Variants in PRKN observed in about 807,000 individuals in gnomAD.
PRKN encodes E3 ubiquitin-protein ligase parkin.
Under a neutral mutation model 59.5 loss-of-function variants are expected in PRKN, and 56 were observed. The observed-to-expected ratio is 0.94, with a 90% confidence interval of 0.76 to 1.18. The LOEUF (loss-of-function observed/expected upper bound fraction) is 1.18, where lower values mean the gene tolerates loss of function less well. Ranked by LOEUF, PRKN falls within the 50% of genes most tolerant of loss-of-function variation. PRKN has a pLI of 0.00. For missense variants in PRKN, 657 were observed against 596.4 expected, an observed-to-expected ratio of 1.10 and a Z score of -1.06; for synonymous variants, 250 against 222.1, an observed-to-expected ratio of 1.13 and a Z score of -1.12.
chr6:162,564,382 C>T (rs1318976865), intron 1 of PRKN, among the ~76,000 whole-genome samples: 4 of 151,724 alleles, frequency 2.6e-5, no homozygotes, highest in African/African-American at 9.7e-5. Context: ...CAGTAATTGG[C>T]CTATTGGCCT....
chr6:162,615,041 T>C (rs921953067), intron 1 of PRKN, among the ~76,000 whole-genome samples: 3 of 152,144 alleles, frequency 2.0e-5, no homozygotes, highest in African/African-American at 7.2e-5. Flanking sequence ...TGGAAGAAGA[T>C]CATTATGTCT....
At chr6:162,510,046 G>C (rs1314249115) in intron 1 of PRKN, among the ~76,000 whole-genome samples, 1 of 152,170 alleles carries the variant, frequency 6.6e-6, no homozygotes, top group African/African-American at 2.4e-5. Context: ...CAGTGATTTA[G>C]GTCAGCCCAG....
intron 1 of PRKN, among the ~76,000 whole-genome samples, chr6:162,626,927 A>C (rs1367914959): frequency 1.3e-5 from 2 of 152,222 alleles, no homozygotes; most frequent in African/African-American, 4.8e-5. Flanking sequence ...AAAACTTGAA[A>C]GTAACTGACC....
rs893531098 is a variant in PRKN at position 162,444,318 on chromosome 6, G to A, written c.8-845C>T. Among the ~76,000 whole-genome samples the A allele has an allele frequency of 3.6e-4, 54 of 151,942 alleles. 1 individual carries two copies. The highest frequency in any genetic ancestry group is 1.3e-3 in the African/African-American group (52 of 41,366). On this transcript the variant is annotated intron_variant, in intron 1 of 11. Transcript: ENST00000366898. ...CCTCCAAAAGGCCCTACATAGTTCT[G>A]CAAAATGAGCCTTATTAATACAGAG...
chr6:161,720,937 G>C (rs538191211), intron 7 of PRKN, among the ~76,000 whole-genome samples: 1 of 152,224 alleles, frequency 6.6e-6, no homozygotes, highest in African/African-American at 2.4e-5. Context: ...ATTACTTCCC[G>C]TTCATAATGC....
chr6:162,044,663 G>A (rs1413080015), intron 5 of PRKN, among the ~76,000 whole-genome samples: 2 of 152,186 alleles, frequency 1.3e-5, no homozygotes, highest in Non-Finnish European at 2.9e-5. Flanking sequence ...CAAGTGGCCA[G>A]TAGGATTACG....
At chr6:162,450,242 T>C (rs1230626494) in intron 1 of PRKN, among the ~76,000 whole-genome samples, 2 of 151,246 alleles carry the variant, frequency 1.3e-5, no homozygotes, top group African/African-American at 2.5e-5. Flanking sequence ...TGACAGTAAA[T>C]CCCCTGTGAA....
At chr6:161,955,111 A>C (rs1780124315) in intron 6 of PRKN, among the ~76,000 whole-genome samples, 1 of 152,206 alleles carries the variant, frequency 6.6e-6, no homozygotes, top group Admixed American at 6.5e-5. Context: ...TTCCTGGGTC[A>C]GCCCCACCTC....
At chr6:161,783,125 A>G (rs1247892878) in intron 7 of PRKN, among the ~76,000 whole-genome samples, 1 of 152,170 alleles carries the variant, frequency 6.6e-6, no homozygotes, top group African/African-American at 2.4e-5. Context: ...AAGTAAGGCA[A>G]ATGAGTAATT....
intron 2 of PRKN, among the ~76,000 whole-genome samples, chr6:162,324,074 T>C (rs1411216848): frequency 6.6e-6 from 1 of 151,608 alleles, no homozygotes; most frequent in African/African-American, 2.4e-5. Flanking sequence ...GTGTGTAGAT[T>C]TACCACAGTG....
Position 161,733,479 on chromosome 6 carries a change from C to CAGAA in PRKN, c.871+52289_871+52292dup, listed in dbSNP as rs369401748. On this transcript the variant is annotated intron_variant, in intron 7 of 11. Transcript: ENST00000366898. ...CATTCGCATTTCTTGGGATAACAGC[C>CAGAA]AGAATACTACAGGTAGTAAACTTTG... is the stretch of plus-strand genomic sequence containing the variant. Among the ~76,000 whole-genome samples, 448 of 152,188 alleles carry CAGAA rather than the reference C, an allele frequency of 2.9e-3. 2 individuals are homozygous for CAGAA. Among genetic ancestry groups the CAGAA allele is most frequent in the African/African-American group, 0.01 (432 of 41,516 alleles).
In PRKN at chr6:162,093,561, T is replaced by A. The variant is rs1779600667; in HGVS notation, c.535-39387A>T. Reference sequence around the variant, plus strand: ...GACCCAATTATACAATTTAGCCCATTACTTTGGTTCAAACAGATTTCACCT... The same window carrying A: ...GACCCAATTATACAATTTAGCCCATAACTTTGGTTCAAACAGATTTCACCT... On this transcript the variant is annotated intron_variant, in intron 4 of 11. Transcript: ENST00000366898. Among the ~76,000 whole-genome samples the A allele has an allele frequency of 2.0e-5, 3 of 152,154 alleles. No individual in the cohort carries two copies. The South Asian group carries it at 6.2e-4, about 32-fold the overall frequency.
chr6:161,817,308 A>G (rs1478861190), intron 6 of PRKN, among the ~76,000 whole-genome samples: 1 of 152,202 alleles, frequency 6.6e-6, no homozygotes, highest in Non-Finnish European at 1.5e-5. Context: ...TGTGAGCCTC[A>G]CTGCAGAGCT....
chr6:162,014,621 CCTCCCTATACCA>C (rs1423362412), intron 5 of PRKN, among the ~76,000 whole-genome samples: 7 of 152,114 alleles, frequency 4.6e-5, no homozygotes, highest in Non-Finnish European at 7.3e-5. Flanking sequence ...GCTGGTGCTT[CCTCCCTATACCA>C]CTCCCTATAC....
intron 6 of PRKN, among the ~76,000 whole-genome samples, chr6:161,851,599 C>T (rs926912213): frequency 6.6e-6 from 1 of 151,640 alleles, no homozygotes; most frequent in Non-Finnish European, 1.5e-5. Flanking sequence ...CTCGTACGTG[C>T]CTCAGCCTCC....
At chr6:161,586,231 T>C (rs1315279287) in intron 7 of PRKN, among the ~76,000 whole-genome samples, 1 of 152,190 alleles carries the variant, frequency 6.6e-6, no homozygotes, top group African/African-American at 2.4e-5. Context: ...TTGCCTAAGC[T>C]GATCTAGAAC....
intron 5 of PRKN, among the ~76,000 whole-genome samples, chr6:161,987,730 G>C (rs1420609398): frequency 6.6e-6 from 1 of 152,148 alleles, no homozygotes; most frequent in Non-Finnish European, 1.5e-5. Flanking sequence ...TACATAGATT[G>C]ACTGAAAAAT....
In PRKN at chr6:162,383,150, G is replaced by T. The variant is rs143108231; in HGVS notation, c.171+60160C>A. On this transcript the variant is annotated intron_variant, in intron 2 of 11. Transcript: ENST00000366898. ...AAACTCATGTTAATGTTAATATTTTGACCTCTTCCCATGAATCACAAATTT... is the reference window on the plus strand; with the variant it reads ...AAACTCATGTTAATGTTAATATTTTTACCTCTTCCCATGAATCACAAATTT... Among the ~76,000 whole-genome samples the T allele has an allele frequency of 4.6e-5, 7 of 152,172 alleles. 1 individual carries two copies. The East Asian group carries it at 1.4e-3, about 29-fold the overall frequency.
intron 4 of PRKN, among the ~76,000 whole-genome samples, chr6:162,073,857 T>A (rs992685832): frequency 6.6e-6 from 1 of 152,204 alleles, no homozygotes; most frequent in Non-Finnish European, 1.5e-5. Flanking sequence ...CTCAATACCA[T>A]AATTTACCCA....
Sources: gnomAD v4.1 joint callset for allele counts (sites outside exome capture counted in the v4.1 genomes callset) on GRCh38, gnomAD v4.1.1 for gene constraint, MANE v1.5 for transcripts, NCBI Gene and HGNC (gene_info 2026-07-23, HGNC 2026-07-21) for gene names.